RBM6: variants seen among roughly 807,000 people sequenced by gnomAD.
The protein encoded by RBM6 is RNA binding motif protein 6, also known as RNA-binding protein 6.
In RBM6, 23 loss-of-function variants were observed where a neutral mutation model predicts 140.4. The observed-to-expected ratio is 0.16, with a 90% confidence interval of 0.12 to 0.23. RBM6 has a LOEUF of 0.23. Ranked by LOEUF, RBM6 falls within the 10% of genes least tolerant of loss-of-function variation. RBM6 has a pLI of 1.00. For synonymous variants in RBM6, 439 were observed against 475.6 expected, an observed-to-expected ratio of 0.92 and a Z score of 1.00; for missense variants, 1,139 against 1,386.7, an observed-to-expected ratio of 0.82 and a Z score of 2.84.
intron 6 of RBM6, among the ~76,000 whole-genome samples, chr3:50,014,556 A>G (rs1292023925): frequency 1.3e-5 from 2 of 152,192 alleles, no homozygotes; most frequent in African/African-American, 4.8e-5. Flanking sequence ...CCTTCTTTAT[A>G]CTGATTAAAA....
chr3:50,027,171 G>A (rs2087887358), intron 6 of RBM6, among the ~76,000 whole-genome samples: 1 of 152,120 alleles, frequency 6.6e-6, no homozygotes, highest in South Asian at 2.1e-4. Context: ...AAAGCTGGAG[G>A]CAGAGTGTTC....
intron 5 of RBM6, among the ~76,000 whole-genome samples, chr3:49,990,361 A>T (rs552645454): frequency 6.6e-6 from 1 of 152,198 alleles, no homozygotes; most frequent in African/African-American, 2.4e-5. Context: ...GTATCTAAAT[A>T]TAGAAAAGGT....
At chr3:49,958,549 C>G (rs941757065) in intron 1 of RBM6, among the ~76,000 whole-genome samples, 1 of 151,246 alleles carries the variant, frequency 6.6e-6, no homozygotes, top group African/African-American at 2.4e-5. Flanking sequence ...GCACTCCAGC[C>G]TGGGAGACAG....
intron 6 of RBM6, 55 bp from the exon 7 acceptor site, chr3:50,048,190 C>G: frequency 6.3e-7 from 1 of 1,593,590 alleles, no homozygotes. Flanking sequence ...GCCTTTCTGT[C>G]TCTGTCTGTT....
intron 5 of RBM6, among the ~76,000 whole-genome samples, chr3:49,984,453 CA>C (rs1305500730): frequency 6.6e-6 from 1 of 152,116 alleles, no homozygotes; most frequent in Non-Finnish European, 1.5e-5. Context: ...ACTAAAAATA[CA>C]AAAACTAGCT....
chr3:50,021,740 C>CTTTTTTT lies in RBM6; in HGVS notation c.1557+22251_1557+22257dup, dbSNP rs542734328. Among the ~76,000 whole-genome samples, 422 of 42,766 alleles carry CTTTTTTT rather than the reference C, an allele frequency of 9.9e-3. 131 individuals are homozygous for CTTTTTTT. The highest frequency in any genetic ancestry group is 0.02 in the South Asian group (14 of 696). The allele number at this position is 42,766 out of a possible 152,430, so 28.1% of individuals were successfully genotyped here. A position where few individuals can be genotyped will look rare whatever the true frequency, so the allele number is the denominator to read the frequency against. On this transcript the variant is annotated intron_variant, in intron 6 of 20. Coordinates refer to ENST00000266022, the MANE Select transcript of RBM6 (RefSeq NM_005777.3). ...ATCTCCATACTGAGGAATTTAAGTGCTTTTTTTTTTTTTTTTTTTTTTTTT... is the reference window on the plus strand; with the variant it reads ...ATCTCCATACTGAGGAATTTAAGTGCTTTTTTTTTTTTTTTTTTTTTTTTTTTTTTTT...
intron 1 of RBM6, among the ~76,000 whole-genome samples, chr3:49,945,201 A>C (rs1479923366): frequency 7.7e-6 from 1 of 130,564 alleles, no homozygotes; most frequent in South Asian, 2.4e-4. Context: ...TTTTTTAGAC[A>C]GGGTCTTGCT....
At chr3:50,046,573 CTG>C (rs2089235416) in intron 6 of RBM6, among the ~76,000 whole-genome samples, 1 of 147,428 alleles carries the variant, frequency 6.8e-6, no homozygotes, top group Admixed American at 6.9e-5. Flanking sequence ...GAGCGAAACT[CTG>C]TCTCAGGGAA....
chr3:50,000,928 G>A (rs2086298645), intron 6 of RBM6, among the ~76,000 whole-genome samples: 1 of 152,150 alleles, frequency 6.6e-6, no homozygotes, highest in South Asian at 2.1e-4. Flanking sequence ...CATTAGAGAA[G>A]ACTTTTGATG....
At position 49,967,880 on chromosome 3, in the gene RBM6, A is replaced by G. The variant is rs766537079; in HGVS notation, c.455A>G (p.His152Arg). ...SMDYRGREAP[H>R]MNYRDRDAHA... ...GATTATAGAGGTAGGGAGGCACCTC[A>G]TATGAACTACAGAGACAGGGATGCT... is the stretch of plus-strand genomic sequence containing the variant. The change falls in exon 3 of 21, where the codon CAT becomes CGT. Residue 152 changes from histidine to arginine, a missense_variant. By Grantham distance (29) the His-to-Arg change is conservative (BLOSUM62 0). This residue lies in a region of RBM6 where 566 missense variants were observed against 612.7 expected (regional missense o/e 0.92). Transcript: ENST00000266022. The surrounding 1 kb of genome is among the most constrained non-coding windows in gnomAD (Gnocchi z 4.0). 5 of 1,614,146 alleles carry G rather than the reference A, an allele frequency of 3.1e-6. No individual in the cohort carries two copies. The highest frequency in any genetic ancestry group is 4.2e-6 in the Non-Finnish European group (5 of 1,180,032).
rs761561896 is a variant in RBM6, at chr3:49,967,988, G to T, written c.563G>T (p.Arg188Leu). The part of the protein sequence containing the change: ...RGTYDLDFRG[R>L]DGSHADFRGR... ...ACTTATGATTTAGATTTTAGAGGCCGGGATGGATCCCATGCAGATTTTAGG... is the reference window on the plus strand; with the variant it reads ...ACTTATGATTTAGATTTTAGAGGCCTGGATGGATCCCATGCAGATTTTAGG... The change falls in exon 3 of 21, where the codon CGG becomes CTG. Residue 188 changes from arginine to leucine, a missense_variant. Physicochemically the swap from Arg to Leu is moderately radical, Grantham distance 102 (BLOSUM62 -2). Around this residue, in one of 9 missense-constraint regions of RBM6, gnomAD observed 566 missense variants for 612.7 expected, o/e 0.92. Coordinates refer to ENST00000266022, the MANE Select transcript of RBM6 (RefSeq NM_005777.3). This position sits in a 1 kb window ranked among gnomAD's most constrained non-coding sequence, Gnocchi z 4.0. 6.2e-7 allele frequency: 1 copy of T among 1,614,122 alleles called. No homozygotes were observed. The highest frequency in any genetic ancestry group is 8.5e-7 in the Non-Finnish European group (1 of 1,180,020).
chr3:49,942,928 C>G (rs915140423), intron 1 of RBM6, among the ~76,000 whole-genome samples: 2 of 152,168 alleles, frequency 1.3e-5, no homozygotes, highest in African/African-American at 2.4e-5. Flanking sequence ...CTCTTAATCT[C>G]TAATCTACTT....
intron 17 of RBM6, among the ~76,000 whole-genome samples, chr3:50,066,907 G>A (rs184848630): frequency 2.6e-5 from 4 of 151,768 alleles, no homozygotes; most frequent in African/African-American, 4.8e-5. Context: ...TATTTAGGCC[G>A]GGCCTAGTGG....
At chr3:49,941,014 G>A (rs936189381) in intron 1 of RBM6, 1 of 149,840 alleles carries the variant, frequency 6.7e-6, no homozygotes, top group Non-Finnish European at 1.5e-5. Flanking sequence ...GGATTTAAGT[G>A]AAGGAGTTCA....
At chr3:49,941,690 A>C (rs1033620560) in intron 1 of RBM6, among the ~76,000 whole-genome samples, 3 of 149,910 alleles carry the variant, frequency 2.0e-5, no homozygotes, top group African/African-American at 4.9e-5. Flanking sequence ...CTCAACAAAA[A>C]CCAACATAGT....
chr3:49,960,137 C>T (rs563211781), intron 1 of RBM6, among the ~76,000 whole-genome samples: 6 of 152,206 alleles, frequency 3.9e-5, no homozygotes, highest in African/African-American at 1.2e-4. Context: ...CCTTCAAATA[C>T]CCCCGCAGAC....
At position 50,065,029 on chromosome 3, in the gene RBM6, A is replaced by G. The variant is rs2090072599; in HGVS notation, c.2587-2A>G. The G allele has an allele frequency of 6.2e-7, 1 of 1,610,228 alleles. No individual in the cohort carries two copies. Among genetic ancestry groups the G allele is most frequent in the Non-Finnish European group, 8.5e-7 (1 of 1,176,560 alleles). The stretch of plus-strand genomic sequence containing the variant: ...TGTGAGAGTTACCTCTGGTTTGATC[A>G]GTTTCAGGAAAATGCCAGTGAAGGG... On this transcript the variant is annotated splice_acceptor_variant, in intron 15 of 20. Transcript: ENST00000266022. LOFTEE classifies it high-confidence loss of function.
At chr3:49,992,092 C>T (rs1160550650) in intron 5 of RBM6, among the ~76,000 whole-genome samples, 1 of 152,090 alleles carries the variant, frequency 6.6e-6, no homozygotes, top group Non-Finnish European at 1.5e-5. Context: ...GCTGAGATTA[C>T]AGGTGTGTAC....
In RBM6 at chr3:50,028,454, C is replaced by T. The variant is rs566023176; in HGVS notation, c.1558-19791C>T. On this transcript the variant is annotated intron_variant, in intron 6 of 20. Coordinates refer to ENST00000266022, the MANE Select transcript of RBM6 (RefSeq NM_005777.3). ...CTGTCAGGTTTCCTGGCTCAACTGG[C>T]ACCCTTTAAGGCCAGAGAACGTTAG... 1.6e-4 allele frequency among the ~76,000 whole-genome samples: 25 copies of T among 152,322 alleles called. No homozygotes were observed. The South Asian group carries it at 4.1e-3, about 25-fold the overall frequency.
Sources: allele counts gnomAD v4.1 joint callset (sites outside exome capture counted in the v4.1 genomes callset), GRCh38; gene constraint gnomAD v4.1.1; regional missense constraint gnomAD v4.1.1; non-coding constraint Gnocchi (gnomAD v3.1); transcripts MANE v1.5; gene names NCBI Gene and HGNC (gene_info 2026-07-23, HGNC 2026-07-21).